LPP: variants seen among roughly 807,000 people sequenced by gnomAD.
The protein encoded by LPP is LIM domain containing preferred translocation partner in lipoma.
A neutral mutation model predicts 60.4 loss-of-function variants in LPP; 38 were observed. The observed-to-expected ratio is 0.63, with a 90% CI of 0.49 to 0.83. LPP has a LOEUF of 0.83. Ranked by LOEUF, LPP falls within the 40% of genes least tolerant of loss-of-function variation. The probability of loss-of-function intolerance (pLI) is 0.00; values close to 1 mark genes in which losing one functional copy is unlikely to be tolerated. For missense variants in LPP, 902 were observed against 783.6 expected, an observed-to-expected ratio of 1.15 and a Z score of -1.80; for synonymous variants, 328 against 290.8, an observed-to-expected ratio of 1.13 and a Z score of -1.30.
intron 6 of LPP, among the ~76,000 whole-genome samples, chr3:188,577,762 T>TTCCTTCCTTCCTTCCG (rs1835040115): frequency 7.1e-6 from 1 of 141,750 alleles, no homozygotes; most frequent in Non-Finnish European, 1.6e-5. Flanking sequence ...CGTTCCTTCG[T>TTCCTTCCTTCCTTCCG]TCCTTCCTTC....
At chr3:188,643,725 T>C (rs1346736353) in intron 7 of LPP, among the ~76,000 whole-genome samples, 1 of 152,150 alleles carries the variant, frequency 6.6e-6, no homozygotes, top group African/African-American at 2.4e-5. Context: ...CCCTGAGCCA[T>C]CACTTTAAAA....
At chr3:188,515,030 G>T (rs1816932889) in intron 5 of LPP, among the ~76,000 whole-genome samples, 1 of 152,104 alleles carries the variant, frequency 6.6e-6, no homozygotes, top group Non-Finnish European at 1.5e-5. Context: ...AATGTAAATT[G>T]TGAGGAAAAA....
chr3:188,609,724 G>T lies in LPP; in HGVS notation c.993G>T (p.Gly331=), dbSNP rs767749180. 1 of 1,614,070 alleles carries T rather than the reference G, an allele frequency of 6.2e-7. No individual in the cohort carries two copies. The highest frequency in any genetic ancestry group is 1.3e-5 in the African/African-American group (1 of 74,996). ...GHPNTWKREP[G]YTPPGAGNQN... ...CAAATACCTGGAAACGGGAACCAGG[G>T]TACACTCCTCCTGGAGCAGGGAACC... is the stretch of plus-strand genomic sequence containing the variant. Residue 331 remains glycine, a synonymous_variant, in exon 7 of 12, where the codon GGG becomes GGT. Transcript: ENST00000617246. This position sits in a 1 kb window ranked among gnomAD's most constrained non-coding sequence, Gnocchi z 6.9.
intron 2 of LPP, among the ~76,000 whole-genome samples, chr3:188,227,014 A>C (rs1307284787): frequency 6.6e-6 from 1 of 151,724 alleles, no homozygotes; most frequent in East Asian, 1.9e-4. Context: ...AATCTTTGTC[A>C]CCTCCTCTAT....
chr3:188,277,318 A>G (rs533261492), intron 2 of LPP, among the ~76,000 whole-genome samples: 2 of 152,200 alleles, frequency 1.3e-5, no homozygotes, highest in Non-Finnish European at 2.9e-5. Flanking sequence ...TGCTGAAGAA[A>G]TGGACGTGGC....
intron 9 of LPP, among the ~76,000 whole-genome samples, chr3:188,821,614 T>C (rs557375292): frequency 6.6e-6 from 1 of 152,228 alleles, no homozygotes; most frequent in Non-Finnish European, 1.5e-5. Context: ...TATGTGCATA[T>C]ATAGTGAATG....
intron 9 of LPP, among the ~76,000 whole-genome samples, chr3:188,776,549 T>C (rs1737854072): frequency 6.6e-6 from 1 of 152,232 alleles, no homozygotes; most frequent in Admixed American, 6.5e-5. Context: ...AGACTCATTG[T>C]CTTCCTCTGA....
At chr3:188,821,903 A>AT (rs1165684348) in intron 9 of LPP, among the ~76,000 whole-genome samples, 1 of 151,940 alleles carries the variant, frequency 6.6e-6, no homozygotes, top group Non-Finnish European at 1.5e-5. Flanking sequence ...GACTAATCCA[A>AT]TTTTTTTCCT....
chr3:188,625,803 C>T (rs1846727001), intron 7 of LPP, among the ~76,000 whole-genome samples: 1 of 152,080 alleles, frequency 6.6e-6, no homozygotes, highest in Admixed American at 6.6e-5. Context: ...ACAGTGACTC[C>T]ATAGATGATA....
At chr3:188,273,616 A>G (rs1738606199) in intron 2 of LPP, among the ~76,000 whole-genome samples, 2 of 53,992 alleles carry the variant, frequency 3.7e-5, no homozygotes, top group Admixed American at 5.8e-4. Flanking sequence ...TTTTTTTGAG[A>G]CGGAGTTTCA....
chr3:188,382,108 G>GA (rs2148560094), intron 3 of LPP, among the ~76,000 whole-genome samples: 1 of 152,108 alleles, frequency 6.6e-6, no homozygotes, highest in Non-Finnish European at 1.5e-5. Flanking sequence ...TGAAGATAGA[G>GA]AAAAAAGCCC....
In LPP at chr3:188,217,889, A is replaced by G. The variant is rs1274133392; in HGVS notation, c.-189-7516A>G. Among the ~76,000 whole-genome samples, 1 of 152,112 alleles carries G rather than the reference A, an allele frequency of 6.6e-6. No individual in the cohort carries two copies. The highest frequency in any genetic ancestry group is 1.9e-4 in the East Asian group (1 of 5,186). On this transcript the variant is annotated intron_variant, in intron 1 of 11. Transcript: ENST00000617246. The surrounding 1 kb of genome is among the most constrained non-coding windows in gnomAD (Gnocchi z 4.0). ...GGCTTCCCAGCTGAGAGCTGTTGGAACGCCCCAAAATAAGCCCTGCAGAAC... is the reference window on the plus strand; with the variant it reads ...GGCTTCCCAGCTGAGAGCTGTTGGAGCGCCCCAAAATAAGCCCTGCAGAAC...
At chr3:188,656,952 T>C (rs551681925) in intron 7 of LPP, among the ~76,000 whole-genome samples, 3 of 152,252 alleles carry the variant, frequency 2.0e-5, no homozygotes, top group African/African-American at 7.2e-5. Context: ...TCCTACTACA[T>C]GATACCACTT....
chr3:188,402,123 G>A (rs941592217), intron 3 of LPP, among the ~76,000 whole-genome samples: 9 of 152,088 alleles, frequency 5.9e-5, no homozygotes, highest in African/African-American at 1.7e-4. Context: ...GTATTTAGAT[G>A]ACTTTATGCT....
intron 5 of LPP, among the ~76,000 whole-genome samples, chr3:188,485,154 C>G (rs186651831): frequency 1.6e-4 from 25 of 152,272 alleles, no homozygotes; most frequent in Admixed American, 3.3e-4. Flanking sequence ...ATTTTTCTAG[C>G]AAAAGCAACA....
intron 7 of LPP, among the ~76,000 whole-genome samples, chr3:188,702,898 A>G (rs1004645538): frequency 2.6e-5 from 4 of 152,216 alleles, no homozygotes; most frequent in Admixed American, 2.6e-4. Flanking sequence ...GGAGACAATG[A>G]TATCAAAACC....
At chr3:188,223,782 G>A (rs1205318322) in intron 1 of LPP, among the ~76,000 whole-genome samples, 1 of 152,126 alleles carries the variant, frequency 6.6e-6, no homozygotes, top group Non-Finnish European at 1.5e-5. Flanking sequence ...GTGAGGGTAG[G>A]GACAACCTTT....
rs574713599 is a variant in LPP at position 188,843,649 on chromosome 3, C to T, written c.1411-22551C>T. Among the ~76,000 whole-genome samples the T allele has an allele frequency of 6.0e-5, 9 of 150,528 alleles. No individual in the cohort carries two copies. The South Asian group carries it at 1.3e-3, about 21-fold the overall frequency. Reference sequence around the variant, plus strand: ...AAAAATACAAAAAATTAGCCGGGCGCAGTGGGGGGCGCCTGTAGTCCCAGC... The same window carrying T: ...AAAAATACAAAAAATTAGCCGGGCGTAGTGGGGGGCGCCTGTAGTCCCAGC... On this transcript the variant is annotated intron_variant, in intron 9 of 11. Transcript: ENST00000617246.
chr3:188,776,224 A>G lies in LPP; in HGVS notation c.1410+15942A>G, dbSNP rs71308932. ...GAGGAAAGGCCATGCCCCATCCTAC[A>G]GTGGGGAGAGGAGGGGACTGGCATC... On this transcript the variant is annotated intron_variant, in intron 9 of 11. Coordinates refer to ENST00000617246, the MANE Select transcript of LPP (RefSeq NM_001375462.1). Among the ~76,000 whole-genome samples, 1,221 of 152,328 alleles carry G rather than the reference A, an allele frequency of 8.0e-3. 10 individuals carry two copies. Among genetic ancestry groups the G allele is most frequent in the Middle Eastern group, 0.02 (6 of 294 alleles).
Sources: allele counts gnomAD v4.1 joint callset (sites outside exome capture counted in the v4.1 genomes callset), GRCh38; gene constraint gnomAD v4.1.1; non-coding constraint Gnocchi (gnomAD v3.1); transcripts MANE v1.5; gene names NCBI Gene and HGNC (gene_info 2026-07-23, HGNC 2026-07-21).